TAOK3: variants seen among roughly 807,000 people sequenced by gnomAD.
The protein encoded by TAOK3 is TAO kinase 3, also known as serine/threonine-protein kinase TAO3.
In TAOK3, 40 loss-of-function variants were observed where a neutral mutation model predicts 120.4. The ratio of observed to expected loss-of-function variants is 0.33; its 90% CI spans 0.26 to 0.43. The LOEUF (loss-of-function observed/expected upper bound fraction) is 0.43. Among genes scored for constraint, TAOK3 ranks in the 20% least tolerant of loss-of-function variants. The pLI is 1.00. For missense variants in TAOK3, 821 were observed against 1,112.1 expected (o/e 0.74, Z 3.72); for synonymous variants, 355 against 387.5 (o/e 0.92, Z 0.99).
intron 2 of TAOK3, among the ~76,000 whole-genome samples, chr12:118,262,686 G>T (rs2041282937): frequency 6.6e-6 from 1 of 151,628 alleles, no homozygotes; most frequent in African/African-American, 2.4e-5. Context: ...AATTAGCCAG[G>T]TGTGGTGTCA....
At position 118,371,443 on chromosome 12, in the gene TAOK3, C is replaced by T. The variant is rs2045889111; in HGVS notation, c.-194+1205G>A. Among the ~76,000 whole-genome samples the T allele has an allele frequency of 6.6e-6, 1 of 152,140 alleles. No individual in the cohort carries two copies. Among genetic ancestry groups the T allele is most frequent in the South Asian group, 2.1e-4 (1 of 4,832 alleles). On this transcript the variant is annotated intron_variant, in intron 1 of 20. Transcript: ENST00000392533. The surrounding 1 kb of genome is among the most constrained non-coding windows in gnomAD (Gnocchi z 5.5). ...CTCTTGATCATTCCAAGATCTTTGT[C>T]CTGCAGCCAGCCCCACCAGCCCCTC...
intron 9 of TAOK3, among the ~76,000 whole-genome samples, chr12:118,218,190 T>A (rs369017636): frequency 6.6e-6 from 1 of 152,086 alleles, no homozygotes; most frequent in East Asian, 1.9e-4. Context: ...TACAGTGATA[T>A]GAACTGTTAA....
In TAOK3 at chr12:118,161,288, A is replaced by C. The variant is rs1466944669; in HGVS notation, c.2139+500T>G. 6.6e-6 allele frequency among the ~76,000 whole-genome samples: 1 copy of C among 152,218 alleles called. No homozygotes were observed. Among genetic ancestry groups the C allele is most frequent in the Non-Finnish European group, 1.5e-5 (1 of 68,032 alleles). ...CAGTGAGGGCTACAGGAGTTCCTCC[A>C]CATCTCTGCATCTCTAGTGCAGAAG... On this transcript the variant is annotated intron_variant, in intron 18 of 20. Transcript: ENST00000392533. The surrounding 1 kb of genome is among the most constrained non-coding windows in gnomAD (Gnocchi z 4.5).
chr12:118,162,463 T>G (rs1316023071), intron 17 of TAOK3, among the ~76,000 whole-genome samples: 1 of 152,144 alleles, frequency 6.6e-6, no homozygotes, highest in South Asian at 2.1e-4. Flanking sequence ...CAGGGTGAAA[T>G]TCTTATAACT....
At chr12:118,327,968 A>G (rs903803928) in intron 1 of TAOK3, among the ~76,000 whole-genome samples, 6 of 152,180 alleles carry the variant, frequency 3.9e-5, no homozygotes, top group African/African-American at 1.4e-4. Context: ...TTACTGAATC[A>G]GTCATAAATG....
intron 17 of TAOK3, 139 bp from the exon 18 acceptor site, chr12:118,162,166 C>T (rs2138411512): frequency 9.0e-7 from 1 of 1,113,666 alleles, no homozygotes. Flanking sequence ...GGCAGCAGGA[C>T]TTAATGAGAT....
intron 1 of TAOK3, among the ~76,000 whole-genome samples, chr12:118,368,022 G>A (rs2045788037): frequency 6.6e-6 from 1 of 152,140 alleles, no homozygotes; most frequent in Admixed American, 6.6e-5. Context: ...TAGTTTGCCT[G>A]TATACGACTC....
chr12:118,272,291 C>CAAAAAAAAA (rs773516018), intron 1 of TAOK3, among the ~76,000 whole-genome samples: 2 of 64,170 alleles, frequency 3.1e-5, no homozygotes, highest in African/African-American at 5.4e-5. Context: ...GACTCCATCT[C>CAAAAAAAAA]AAAAAAAAAA....
At chr12:118,209,663 T>G (rs2038519175) in intron 11 of TAOK3, among the ~76,000 whole-genome samples, 1 of 151,996 alleles carries the variant, frequency 6.6e-6, no homozygotes, top group South Asian at 2.1e-4. Flanking sequence ...CCTCCTAAAG[T>G]GCTGGGATTA....
chr12:118,154,013 A>G (rs1031468512), intron 19 of TAOK3, among the ~76,000 whole-genome samples: 1 of 152,198 alleles, frequency 6.6e-6, no homozygotes, highest in East Asian at 1.9e-4. Context: ...TAAGGAATGA[A>G]GGGATAAGAG....
chr12:118,314,692 C>G (rs186040748), intron 1 of TAOK3, among the ~76,000 whole-genome samples: 1 of 152,148 alleles, frequency 6.6e-6, no homozygotes, highest in Non-Finnish European at 1.5e-5. Context: ...TATGGATGGA[C>G]TAACCTGACA....
At chr12:118,342,957 A>AG (rs1555257894) in intron 1 of TAOK3, among the ~76,000 whole-genome samples, 7 of 120,450 alleles carry the variant, frequency 5.8e-5, no homozygotes, top group Non-Finnish European at 8.5e-5. Flanking sequence ...AAAAAAAAAA[A>AG]AGAGAGAGAG....
chr12:118,176,592 C>A (rs1412644012), intron 16 of TAOK3, among the ~76,000 whole-genome samples: 1 of 152,114 alleles, frequency 6.6e-6, no homozygotes, highest in Non-Finnish European at 1.5e-5. Flanking sequence ...GAAGCAGTAG[C>A]AGCAGCGTCA....
At chr12:118,356,295 C>CTTTTT (rs949021724) in intron 1 of TAOK3, among the ~76,000 whole-genome samples, 155 of 109,228 alleles carry the variant, frequency 1.4e-3, no homozygotes, top group Non-Finnish European at 2.0e-3. Context: ...TGGTCACTTT[C>CTTTTT]TTTTTTTTTT....
At position 118,235,688 on chromosome 12, in the gene TAOK3, A is replaced by AAT; in HGVS notation, c.438-18_438-17insAT. 6.5e-7 allele frequency: 1 copy of AAT among 1,539,080 alleles called. No homozygotes were observed. Among genetic ancestry groups the AAT allele is most frequent in the Non-Finnish European group, 8.9e-7 (1 of 1,120,462 alleles). ...TTAATATCCCTATAGGAAAAAAAAA[A>AAT]AGGGTTAGAAAATTACTTTTCAATT... On this transcript the variant is annotated splice_polypyrimidine_tract_variant and intron_variant, in intron 7 of 20. Coordinates refer to ENST00000392533, the MANE Select transcript of TAOK3 (RefSeq NM_016281.4).
At chr12:118,207,170 T>C (rs2038366648) in intron 11 of TAOK3, among the ~76,000 whole-genome samples, 1 of 150,868 alleles carries the variant, frequency 6.6e-6, no homozygotes, top group South Asian at 2.1e-4. Flanking sequence ...CTACTAAAAA[T>C]AGAAAATTAG....
intron 17 of TAOK3, among the ~76,000 whole-genome samples, chr12:118,164,184 G>A (rs1292445815): frequency 2.0e-5 from 3 of 150,990 alleles, no homozygotes; most frequent in Admixed American, 1.3e-4. Flanking sequence ...AAAATTAGCC[G>A]GGCCTGGTGG....
chr12:118,267,990 T>C (rs866921268), intron 1 of TAOK3, among the ~76,000 whole-genome samples: 4 of 152,154 alleles, frequency 2.6e-5, no homozygotes, highest in African/African-American at 9.7e-5. Flanking sequence ...TATTTCTGCC[T>C]GCATTTTTAA....
At chr12:118,219,192 T>C (rs1245085208) in intron 9 of TAOK3, among the ~76,000 whole-genome samples, 1 of 152,162 alleles carries the variant, frequency 6.6e-6, no homozygotes, top group African/African-American at 2.4e-5. Context: ...TCACAAATGC[T>C]GTTTTCTTGG....
Sources: allele counts gnomAD v4.1 joint callset (sites outside exome capture counted in the v4.1 genomes callset), GRCh38; gene constraint gnomAD v4.1.1; non-coding constraint Gnocchi (gnomAD v3.1); transcripts MANE v1.5; gene names NCBI Gene and HGNC (gene_info 2026-07-23, HGNC 2026-07-21).